The following AGO3 variants were observed in gnomAD, a reference collection of about 807,000 sequenced individuals.
AGO3 encodes the protein argonaute RISC catalytic component 3, also known as protein argonaute-3.
In AGO3, 16 loss-of-function variants were observed where a neutral mutation model predicts 105.5. That is an observed-to-expected ratio of 0.15 (90% confidence interval 0.10 to 0.23). AGO3 has a LOEUF of 0.23. AGO3 is among the 10% of genes least tolerant of loss of function. AGO3 has a pLI of 1.00. For missense variants in AGO3, 534 were observed against 1,088.0 expected, an observed-to-expected ratio of 0.49 and a Z score of 7.16; for synonymous variants, 340 against 367.3, an observed-to-expected ratio of 0.93 and a Z score of 0.85.
chr1:35,964,475 C>T (rs1646737673), intron 2 of AGO3, among the ~76,000 whole-genome samples: 1 of 152,138 alleles, frequency 6.6e-6, no homozygotes. Context: ...TTTATGACTG[C>T]ATAGTATTCC....
At chr1:36,035,279 C>T (rs986462278) in intron 13 of AGO3, among the ~76,000 whole-genome samples, 6 of 152,052 alleles carry the variant, frequency 3.9e-5, no homozygotes, top group Non-Finnish European at 5.9e-5. Flanking sequence ...ATGTGCCTGT[C>T]GTTCCAGCTA....
At chr1:36,032,539 G>C (rs934340024) in intron 12 of AGO3, among the ~76,000 whole-genome samples, 1 of 151,860 alleles carries the variant, frequency 6.6e-6, no homozygotes, top group Admixed American at 6.6e-5. Flanking sequence ...ATACCATCAT[G>C]CCTGGCTAAT....
In AGO3 at chr1:35,931,281, G is replaced by T; in HGVS notation, c.-146G>T. On this transcript the variant is annotated 5_prime_UTR_variant, in exon 1 of 19. Transcript: ENST00000373191. ...TTCCGGCCCAGAGCTTTCGGAGTGC[G>T]GTTGCTCAGGGGAAGCCGTCGCCGC... 1 of 578,998 alleles carries T rather than the reference G, an allele frequency of 1.7e-6. No individual in the cohort carries two copies. Among genetic ancestry groups the T allele is most frequent in the Non-Finnish European group, 2.8e-6 (1 of 358,848 alleles). The allele number at this position is 578,998 out of a possible 1,614,324, so 35.9% of individuals were successfully genotyped here.
chr1:35,998,337 T>G (rs1466051030), intron 5 of AGO3, among the ~76,000 whole-genome samples: 1 of 152,192 alleles, frequency 6.6e-6, no homozygotes, highest in Admixed American at 6.5e-5. Context: ...CTTTTTACTC[T>G]TACAAATAAT....
At chr1:35,936,066 T>G (rs1483917437) in intron 1 of AGO3, among the ~76,000 whole-genome samples, 1 of 152,214 alleles carries the variant, frequency 6.6e-6, no homozygotes, top group African/African-American at 2.4e-5. Flanking sequence ...TCAGTTGTCT[T>G]GGATACTGAA....
At position 36,013,764 on chromosome 1, in the gene AGO3, T is replaced by C. The variant is rs1640737582; in HGVS notation, c.1272+12T>C. 1 of 1,612,430 alleles carries C rather than the reference T, an allele frequency of 6.2e-7. No homozygotes were observed. The highest frequency in any genetic ancestry group is 8.5e-7 in the Non-Finnish European group (1 of 1,178,890). On this transcript the variant is annotated intron_variant, in intron 10 of 18. Transcript: ENST00000373191. Reference sequence around the variant, plus strand: ...AGTATGGAGGACGGGTAAAGTCTCTTGTTAATGTTTTAATCATACACATAT... The same window carrying C: ...AGTATGGAGGACGGGTAAAGTCTCTCGTTAATGTTTTAATCATACACATAT...
At chr1:35,958,934 T>TAATGTC (rs1646625855) in intron 2 of AGO3, among the ~76,000 whole-genome samples, 1 of 152,220 alleles carries the variant, frequency 6.6e-6, no homozygotes, top group African/African-American at 2.4e-5. Context: ...TAGCCATGGA[T>TAATGTC]AATGTCAGTA....
intron 1 of AGO3, among the ~76,000 whole-genome samples, chr1:35,935,341 A>G (rs1168875738): frequency 6.6e-6 from 1 of 152,272 alleles, no homozygotes; most frequent in Non-Finnish European, 1.5e-5. Flanking sequence ...AAAATTACCC[A>G]TGATTCTATC....
At chr1:36,025,855 T>C (rs1306468799) in intron 11 of AGO3, among the ~76,000 whole-genome samples, 1 of 152,024 alleles carries the variant, frequency 6.6e-6, no homozygotes, top group Non-Finnish European at 1.5e-5. Context: ...CTGACCAACA[T>C]GGTGAAACCC....
rs533595462 is a variant in AGO3 at position 36,053,718 on chromosome 1, A to G, written c.2275-1228A>G. On this transcript the variant is annotated intron_variant, in intron 17 of 18. Transcript: ENST00000373191. ...CTCAGCCTCCCACCTAGCTGGGACT[A>G]CAGGTCCACACCACCACACCTGGCT... Among the ~76,000 whole-genome samples, 3 of 147,484 alleles carry G rather than the reference A, an allele frequency of 2.0e-5. No homozygotes were observed. In the South Asian group the frequency reaches 6.5e-4, roughly 32 times the overall value.
intron 12 of AGO3, among the ~76,000 whole-genome samples, chr1:36,030,416 T>G (rs1641718368): frequency 6.6e-6 from 1 of 150,712 alleles, no homozygotes; most frequent in South Asian, 2.1e-4. Flanking sequence ...GATAGGAAGA[T>G]CACTTGAGCC....
chr1:35,986,351 TTAAA>T (rs1647177853), intron 5 of AGO3, among the ~76,000 whole-genome samples: 1 of 152,166 alleles, frequency 6.6e-6, no homozygotes, highest in African/African-American at 2.4e-5. Context: ...TACATAACAG[TTAAA>T]TAAATGAACC....
chr1:35,941,017 A>G (rs1438478925), intron 1 of AGO3, among the ~76,000 whole-genome samples: 1 of 151,944 alleles, frequency 6.6e-6, no homozygotes, highest in Non-Finnish European at 1.5e-5. Context: ...TCTCCTCTGA[A>G]CTCCACACTC....
chr1:35,984,879 G>A (rs929465072), intron 5 of AGO3, among the ~76,000 whole-genome samples: 2 of 152,128 alleles, frequency 1.3e-5, no homozygotes, highest in Non-Finnish European at 1.5e-5. Flanking sequence ...TGAAAATGAG[G>A]TACTCAGGAA....
intron 11 of AGO3, 120 bp downstream of exon 11, chr1:36,014,168 T>C (rs1640759298): frequency 1.6e-5 from 23 of 1,398,638 alleles, no homozygotes; most frequent in Non-Finnish European, 2.3e-5. Context: ...GAACCATTTT[T>C]TTTTTTTTGA....
At chr1:35,944,487 C>T (rs761888635) in intron 1 of AGO3, among the ~76,000 whole-genome samples, 7 of 151,292 alleles carry the variant, frequency 4.6e-5, no homozygotes, top group Non-Finnish European at 8.8e-5. Flanking sequence ...TTAGTTAAGC[C>T]CTTTTCCTCC....
intron 12 of AGO3, among the ~76,000 whole-genome samples, chr1:36,031,775 T>C (rs1022006285): frequency 2.0e-5 from 3 of 152,170 alleles, no homozygotes; most frequent in African/African-American, 7.2e-5. Context: ...CTTATGTACA[T>C]GAGTCCTACA....
At chr1:35,966,808 C>A in intron 2 of AGO3, 147 bp from the exon 3 acceptor site, 1 of 918,560 alleles carries the variant, frequency 1.1e-6, no homozygotes, top group Non-Finnish European at 1.5e-6. Context: ...GTGTCTTAAG[C>A]CAAGATTCTA....
intron 1 of AGO3, among the ~76,000 whole-genome samples, chr1:35,941,079 C>A (rs1646245008): frequency 1.3e-5 from 2 of 152,136 alleles, no homozygotes; most frequent in Admixed American, 1.3e-4. Flanking sequence ...TTTAGCATAT[C>A]CTTAAAATCC....
Sources: gnomAD v4.1 joint callset for allele counts (sites outside exome capture counted in the v4.1 genomes callset) on GRCh38, gnomAD v4.1.1 for gene constraint, MANE v1.5 for transcripts, NCBI Gene and HGNC (gene_info 2026-07-23, HGNC 2026-07-21) for gene names.